The following PXDNL variants were observed in gnomAD, a reference collection of about 807,000 sequenced individuals.
PXDNL encodes probable oxidoreductase PXDNL.
A neutral mutation model predicts 150.8 loss-of-function variants in PXDNL; 145 were observed. The observed-to-expected ratio is 0.96, with a 90% confidence interval of 0.84 to 1.10. PXDNL has a LOEUF of 1.10. Ranked by LOEUF, PXDNL falls within the 50% of genes least tolerant of loss-of-function variation. The probability of loss-of-function intolerance (pLI) is 0.00; values close to 1 mark genes in which losing one functional copy is unlikely to be tolerated. For missense variants in PXDNL, 2,087 were observed against 1,873.9 expected (o/e 1.11, Z -2.10); for synonymous variants, 757 against 725.7 (o/e 1.04, Z -0.69).
intron 1 of PXDNL, among the ~76,000 whole-genome samples, chr8:51,770,887 T>A (rs2037286136): frequency 6.6e-6 from 1 of 152,108 alleles, no homozygotes; most frequent in Non-Finnish European, 1.5e-5. Flanking sequence ...GTACAAGACA[T>A]AAACATCTCT....
In PXDNL at chr8:51,646,678, C is replaced by T. The variant is rs1015681150; in HGVS notation, c.236+8011G>A. Among the ~76,000 whole-genome samples, 3 of 152,122 alleles carry T rather than the reference C, an allele frequency of 2.0e-5. No individual in the cohort carries two copies. The East Asian group carries it at 5.8e-4, about 29-fold the overall frequency. ...TGACAACACTTCTAGGAGCCTTGCT[C>T]CTAAGGGGAGCAGGAAAATAGGGAG... On this transcript the variant is annotated intron_variant, in intron 2 of 22. Transcript: ENST00000356297.
intron 4 of PXDNL, among the ~76,000 whole-genome samples, chr8:51,514,924 T>A (rs1391150787): frequency 6.6e-6 from 1 of 152,200 alleles, no homozygotes; most frequent in Non-Finnish European, 1.5e-5. Context: ...TTTCATAACA[T>A]ACACATTGGA....
At chr8:51,597,097 G>A (rs2130668271) in intron 2 of PXDNL, among the ~76,000 whole-genome samples, 1 of 152,134 alleles carries the variant, frequency 6.6e-6, no homozygotes, top group East Asian at 1.9e-4. Flanking sequence ...TGAAAGGTAG[G>A]GGTCAAGTTT....
At chr8:51,519,989 G>C (rs552680188) in intron 4 of PXDNL, among the ~76,000 whole-genome samples, 190 of 152,306 alleles carry the variant, frequency 1.2e-3, no homozygotes, top group African/African-American at 4.3e-3. Flanking sequence ...CAACAGTCTA[G>C]GGGGAACAAC....
chr8:51,375,425 TA>T (rs576298442), intron 17 of PXDNL, among the ~76,000 whole-genome samples: 157 of 152,360 alleles, frequency 1.0e-3, no homozygotes, highest in African/African-American at 3.5e-3. Context: ...ACTCTAATGA[TA>T]AACGTGACAC....
intron 19 of PXDNL, among the ~76,000 whole-genome samples, chr8:51,356,990 C>G (rs1264419798): frequency 6.6e-6 from 1 of 152,106 alleles, no homozygotes; most frequent in Non-Finnish European, 1.5e-5. Flanking sequence ...TGATAATTAT[C>G]CCCCAAACCA....
chr8:51,797,472 A>G (rs2037573088), intron 1 of PXDNL, among the ~76,000 whole-genome samples: 1 of 152,248 alleles, frequency 6.6e-6, no homozygotes, highest in African/African-American at 2.4e-5. Context: ...CCCCTTTGGC[A>G]AAGTCTCAGG....
intron 17 of PXDNL, among the ~76,000 whole-genome samples, chr8:51,401,509 T>A (rs919094944): frequency 7.2e-5 from 11 of 152,138 alleles, no homozygotes; most frequent in Non-Finnish European, 1.6e-4. Flanking sequence ...AAGAACAAAG[T>A]CACTGCCTCC....
intron 3 of PXDNL, among the ~76,000 whole-genome samples, chr8:51,567,388 T>G (rs1040618071): frequency 4.0e-5 from 6 of 151,888 alleles, no homozygotes; most frequent in Non-Finnish European, 8.8e-5. Context: ...TCAACTATCA[T>G]AGTCGATTCC....
chr8:51,549,358 C>T (rs189164493), intron 4 of PXDNL, among the ~76,000 whole-genome samples: 65 of 152,080 alleles, frequency 4.3e-4, no homozygotes, highest in Middle Eastern at 6.8e-3. Context: ...GCATTCTACG[C>T]AATAACTGAA....
At chr8:51,409,683 TCTTA>T (rs1309841634) in intron 16 of PXDNL, 122 bp from the exon 17 acceptor site, 9 of 681,272 alleles carry the variant, frequency 1.3e-5, no homozygotes, top group Middle Eastern at 4.0e-4. Context: ...AAGAGGCCTT[TCTTA>T]CTTCCAAAAA....
intron 3 of PXDNL, among the ~76,000 whole-genome samples, chr8:51,568,110 T>C (rs997985854): frequency 6.6e-6 from 1 of 151,822 alleles, no homozygotes; most frequent in Non-Finnish European, 1.5e-5. Context: ...AAATTTATTG[T>C]ATTTATTTTT....
chr8:51,763,293 G>T (rs2037185787), intron 1 of PXDNL, among the ~76,000 whole-genome samples: 1 of 150,322 alleles, frequency 6.7e-6, no homozygotes, highest in Admixed American at 6.6e-5. Context: ...TGCACATTGT[G>T]CACATGTACC....
intron 1 of PXDNL, among the ~76,000 whole-genome samples, chr8:51,713,467 A>G (rs1004893668): frequency 6.6e-6 from 1 of 152,236 alleles, no homozygotes; most frequent in African/African-American, 2.4e-5. Context: ...ACCCAGAAAC[A>G]GAGCCTTCTG....
At chr8:51,423,854 G>A (rs1236186971) in intron 13 of PXDNL, 123 bp from the exon 14 acceptor site, 4 of 784,250 alleles carry the variant, frequency 5.1e-6, no homozygotes, top group Non-Finnish European at 5.7e-6. Context: ...TGTGTGTCAA[G>A]TACTGGAGGA....
intron 1 of PXDNL, among the ~76,000 whole-genome samples, chr8:51,729,073 G>C (rs540642179): frequency 7.7e-4 from 117 of 152,216 alleles, no homozygotes; most frequent in African/African-American, 2.6e-3. Flanking sequence ...ACAGTAACAT[G>C]CTGTATAGGT....
chr8:51,345,888 C>T lies in PXDNL; in HGVS notation c.3961G>A (p.Ala1321Thr). The T allele has an allele frequency of 6.2e-7, 1 of 1,613,868 alleles. No homozygotes were observed. Among genetic ancestry groups the T allele is most frequent in the Non-Finnish European group, 8.5e-7 (1 of 1,179,770 alleles). Reference sequence around the variant, plus strand: ...TTATCAACAGGATAGCTGTATTGAGCTGAGCGTTTCTTTTGAGACTCTTGC... The same window carrying T: ...TTATCAACAGGATAGCTGTATTGAGTTGAGCGTTTCTTTTGAGACTCTTGC... The part of the protein sequence containing the change: ...VTQESQKKRS[A>T]QYSYPVDKDM... The change falls in exon 20 of 23, where the codon GCT (alanine) becomes ACT (threonine). Residue 1321 changes from alanine (A) to threonine (T), a missense_variant. Transcript: ENST00000356297.
intron 1 of PXDNL, among the ~76,000 whole-genome samples, chr8:51,783,514 C>A (rs562507022): frequency 1.3e-5 from 2 of 152,308 alleles, no homozygotes; most frequent in South Asian, 4.1e-4. Flanking sequence ...GAGTTCACCC[C>A]AGCAGTATAG....
intron 1 of PXDNL, among the ~76,000 whole-genome samples, chr8:51,689,663 A>G (rs796840287): frequency 8.5e-5 from 13 of 152,242 alleles, no homozygotes; most frequent in African/African-American, 3.1e-4. Flanking sequence ...GACCATGAGT[A>G]TATTTACGAG....
Sources: allele counts gnomAD v4.1 joint callset (sites outside exome capture counted in the v4.1 genomes callset), GRCh38; gene constraint gnomAD v4.1.1; transcripts MANE v1.5; gene names NCBI Gene and HGNC (gene_info 2026-07-23, HGNC 2026-07-21).